The following PARD3 variants were observed in gnomAD, a reference collection of about 807,000 sequenced individuals.
PARD3 encodes par-3 family cell polarity regulator.
A neutral mutation model predicts 155.4 loss-of-function variants in PARD3; 75 were observed. That is an observed-to-expected ratio of 0.48 (90% CI 0.40 to 0.58). The LOEUF is 0.58. Among genes scored for constraint, PARD3 ranks in the 20% least tolerant of loss-of-function variants. The probability of loss-of-function intolerance (pLI) is 0.00; values close to 1 mark genes in which losing one functional copy is unlikely to be tolerated. For synonymous variants in PARD3, 576 were observed against 610.5 expected (o/e 0.94, Z 0.83); for missense variants, 1,642 against 1,721.7 (o/e 0.95, Z 0.82).
rs534770499 is a variant in PARD3 at position 34,517,780 on chromosome 10, C to G, written c.223-621G>C. On this transcript the variant is annotated intron_variant, in intron 2 of 24. Coordinates refer to ENST00000374788, the MANE Select transcript of PARD3 (RefSeq NM_001184785.2). ...TTGATAATAAAAGCAGATGTTTTCA[C>G]AGTCAGAAACAGAAGTTACAGAGAA... 1.4e-4 allele frequency among the ~76,000 whole-genome samples: 21 copies of G among 152,234 alleles called. No homozygotes were observed. In the South Asian group the frequency reaches 4.1e-3, roughly 30 times the overall value.
At chr10:34,734,051 A>G (rs947611326) in intron 1 of PARD3, among the ~76,000 whole-genome samples, 9 of 151,864 alleles carry the variant, frequency 5.9e-5, no homozygotes, top group Non-Finnish European at 1.2e-4. Flanking sequence ...ACTTATTCAG[A>G]AAAAAAAGTG....
intron 2 of PARD3, among the ~76,000 whole-genome samples, chr10:34,673,946 C>T (rs528855145): frequency 1.7e-3 from 259 of 149,572 alleles, no homozygotes; most frequent in African/African-American, 5.8e-3. Flanking sequence ...GATCGTGCCA[C>T]TGCACTCCAG....
At chr10:34,349,580 TAAAAAAAAAAAAAAAA>T in intron 14 of PARD3, among the ~76,000 whole-genome samples, 1 of 44,708 alleles carries the variant, frequency 2.2e-5, no homozygotes, top group Non-Finnish European at 3.6e-5. Context: ...TCTGGGAAAG[TAAAAAAAAAAAAAAAA>T]AAAAAAAAAA....
chr10:34,710,572 T>C (rs539542369), intron 1 of PARD3, among the ~76,000 whole-genome samples: 1 of 152,332 alleles, frequency 6.6e-6, no homozygotes, highest in South Asian at 2.1e-4. Flanking sequence ...ATATGAGTCA[T>C]TTCCAATGAC....
At chr10:34,606,248 C>A (rs2090425762) in intron 2 of PARD3, among the ~76,000 whole-genome samples, 2 of 142,032 alleles carry the variant, frequency 1.4e-5, no homozygotes, top group Admixed American at 1.5e-4. Flanking sequence ...ACTAAAACAG[C>A]GTATGTCTAC....
At chr10:34,179,166 GCGCACACACACACA>G (rs1480083577) in intron 22 of PARD3, among the ~76,000 whole-genome samples, 1 of 131,234 alleles carries the variant, frequency 7.6e-6, no homozygotes, top group South Asian at 2.2e-4. Flanking sequence ...ATGTGCGTGC[GCGCACACACACACA>G]CACACACACA....
chr10:34,309,765 C>T (rs1369787169), intron 20 of PARD3, among the ~76,000 whole-genome samples: 2 of 127,260 alleles, frequency 1.6e-5, no homozygotes, highest in African/African-American at 5.8e-5. Flanking sequence ...CCCGCCCCCC[C>T]AAGAAGAAAA....
At chr10:34,278,561 T>C (rs536706957) in intron 21 of PARD3, among the ~76,000 whole-genome samples, 2 of 152,248 alleles carry the variant, frequency 1.3e-5, no homozygotes, top group Non-Finnish European at 2.9e-5. Flanking sequence ...CCTGTTCTTG[T>C]GATAGTGACT....
chr10:34,441,906 T>A (rs1302100039), intron 5 of PARD3, among the ~76,000 whole-genome samples: 1 of 152,208 alleles, frequency 6.6e-6, no homozygotes, highest in East Asian at 1.9e-4. Flanking sequence ...AAAGGTTGTT[T>A]TGGTTTTATT....
intron 1 of PARD3, among the ~76,000 whole-genome samples, chr10:34,729,118 T>G (rs890955407): frequency 6.6e-6 from 1 of 152,200 alleles, no homozygotes; most frequent in African/African-American, 2.4e-5. Flanking sequence ...GTTCACCCTA[T>G]GATGCTCGCA....
chr10:34,437,127 C>T (rs2076230209), intron 5 of PARD3, among the ~76,000 whole-genome samples: 1 of 152,122 alleles, frequency 6.6e-6, no homozygotes, highest in Non-Finnish European at 1.5e-5. Flanking sequence ...AAGAGTTATA[C>T]TGTATCCCAT....
At chr10:34,770,901 G>A (rs1838777473) in intron 1 of PARD3, among the ~76,000 whole-genome samples, 2 of 152,104 alleles carry the variant, frequency 1.3e-5, no homozygotes, top group Non-Finnish European at 2.9e-5. Context: ...CCTGGGCCCC[G>A]TGATCTTTAA....
chr10:34,715,076 CT>C (rs35205452), intron 1 of PARD3, among the ~76,000 whole-genome samples: 45,448 of 136,602 alleles, frequency 0.33, 7,481 homozygotes, highest in Non-Finnish European at 0.39. Flanking sequence ...CTAGCCTAAC[CT>C]TTTTTTTTTT....
At chr10:34,459,808 G>A (rs935588614) in intron 4 of PARD3, among the ~76,000 whole-genome samples, 4 of 152,088 alleles carry the variant, frequency 2.6e-5, no homozygotes, top group Admixed American at 2.6e-4. Flanking sequence ...TAACTAGTCT[G>A]ACAATGTAAG....
At chr10:34,294,577 C>A (rs186208081) in intron 20 of PARD3, among the ~76,000 whole-genome samples, 25 of 152,124 alleles carry the variant, frequency 1.6e-4, no homozygotes, top group Non-Finnish European at 3.2e-4. Context: ...CATTTCTTAG[C>A]GAATGCTCTC....
chr10:34,480,160 G>A (rs1730703848), intron 3 of PARD3, among the ~76,000 whole-genome samples: 1 of 152,228 alleles, frequency 6.6e-6, no homozygotes, highest in African/African-American at 2.4e-5. Flanking sequence ...GATAGGTGTG[G>A]AGGATCAAAG....
intron 2 of PARD3, among the ~76,000 whole-genome samples, chr10:34,598,857 G>A (rs1362372718): frequency 6.6e-6 from 1 of 152,120 alleles, no homozygotes; most frequent in Non-Finnish European, 1.5e-5. Flanking sequence ...GCATTCCCAA[G>A]ACTGAAAGCC....
intron 4 of PARD3, among the ~76,000 whole-genome samples, chr10:34,455,644 G>A (rs1411543532): frequency 6.6e-6 from 1 of 151,956 alleles, no homozygotes; most frequent in Non-Finnish European, 1.5e-5. Flanking sequence ...ACAAAACGCA[G>A]GCTTAATCAC....
chr10:34,569,603 G>GA (rs1206509864), intron 2 of PARD3, among the ~76,000 whole-genome samples: 2 of 151,920 alleles, frequency 1.3e-5, no homozygotes, highest in East Asian at 3.9e-4. Flanking sequence ...ATTTTTAGTA[G>GA]AGACGGGGTT....
Sources: gnomAD v4.1 joint callset for allele counts (sites outside exome capture counted in the v4.1 genomes callset) on GRCh38, gnomAD v4.1.1 for gene constraint, MANE v1.5 for transcripts, NCBI Gene and HGNC (gene_info 2026-07-23, HGNC 2026-07-21) for gene names.